ZNF277: variants seen among roughly 807,000 people sequenced by gnomAD.
ZNF277 encodes the protein nuclear receptor-interacting factor 4.
A neutral mutation model predicts 60.7 loss-of-function variants in ZNF277; 55 were observed. That is an observed-to-expected ratio of 0.91 (90% CI 0.73 to 1.13). The LOEUF is 1.13. Ranked by LOEUF, ZNF277 falls within the 50% of genes most tolerant of loss-of-function variation. The pLI is 0.00. For missense variants in ZNF277, 510 were observed against 523.0 expected, an observed-to-expected ratio of 0.98 and a Z score of 0.24; for synonymous variants, 178 against 179.3, an observed-to-expected ratio of 0.99 and a Z score of 0.06.
intron 1 of ZNF277, among the ~76,000 whole-genome samples, chr7:112,281,436 G>A (rs1166141213): frequency 2.0e-5 from 3 of 152,034 alleles, no homozygotes; most frequent in Admixed American, 1.3e-4. Context: ...TTGCTTACTG[G>A]GGAGTATACT....
intron 1 of ZNF277, among the ~76,000 whole-genome samples, chr7:112,259,460 C>A (rs369066150): frequency 1.3e-5 from 2 of 152,056 alleles, no homozygotes; most frequent in African/African-American, 4.8e-5. Flanking sequence ...GAACCTAAGC[C>A]GCAGATACTT....
rs142150426 is a variant in ZNF277, at chr7:112,336,118, G to A, written c.816G>A (p.Ser272=). 1.3e-5 allele frequency: 21 copies of A among 1,609,518 alleles called. No homozygotes were observed. In the Middle Eastern group the frequency reaches 4.9e-4, roughly 38 times the overall value. ...YVINYLELGK[S]WEEVQLEDDR... Reference sequence around the variant, plus strand: ...TTCCTACAAAGGAACTTGGAAAATCGTGGGAAGAAGTTCAGTTGGAAGATG... The same window carrying A: ...TTCCTACAAAGGAACTTGGAAAATCATGGGAAGAAGTTCAGTTGGAAGATG... The change falls in exon 8 of 12, where the codon TCG becomes TCA. Residue 272 remains serine, a synonymous_variant. Transcript: ENST00000361822.
chr7:112,323,859 G>A (rs916361722), intron 5 of ZNF277, among the ~76,000 whole-genome samples: 2 of 152,128 alleles, frequency 1.3e-5, no homozygotes, highest in South Asian at 4.1e-4. Context: ...ACATTTATAA[G>A]TTTAGTGAAA....
chr7:112,298,994 G>T (rs1196641894), intron 4 of ZNF277, among the ~76,000 whole-genome samples: 1 of 152,164 alleles, frequency 6.6e-6, no homozygotes, highest in Non-Finnish European at 1.5e-5. Flanking sequence ...ACAAGTCTGT[G>T]TAGGGAGGGG....
At chr7:112,299,750 C>T (rs1792432025) in intron 4 of ZNF277, among the ~76,000 whole-genome samples, 1 of 152,158 alleles carries the variant, frequency 6.6e-6, no homozygotes, top group Admixed American at 6.5e-5. Context: ...TATTTCAACT[C>T]AAAGACTTTG....
At chr7:112,259,536 A>C (rs1430578759) in intron 1 of ZNF277, among the ~76,000 whole-genome samples, 1 of 152,182 alleles carries the variant, frequency 6.6e-6, no homozygotes, top group Non-Finnish European at 1.5e-5. Context: ...TAAACAGGTT[A>C]CTTAAGAGCG....
intron 1 of ZNF277, among the ~76,000 whole-genome samples, chr7:112,227,674 T>C (rs923953301): frequency 2.6e-5 from 4 of 152,198 alleles, no homozygotes; most frequent in Admixed American, 6.5e-5. Flanking sequence ...TAAGTTATAT[T>C]TTGTAAATAT....
At position 112,273,591 on chromosome 7, in the gene ZNF277, G is replaced by A. The variant is rs118058184; in HGVS notation, c.92-13282G>A. On this transcript the variant is annotated intron_variant, in intron 1 of 11. Coordinates refer to ENST00000361822, the MANE Select transcript of ZNF277 (RefSeq NM_021994.3). ...TGTGTGGATAGTTTTTCAATTTGGTGTTCCTGCCAGGAAGATTACCGGTCA... is the reference window on the plus strand; with the variant it reads ...TGTGTGGATAGTTTTTCAATTTGGTATTCCTGCCAGGAAGATTACCGGTCA... Among the ~76,000 whole-genome samples, 62 of 152,262 alleles carry A rather than the reference G, an allele frequency of 4.1e-4. No homozygotes were observed. The East Asian group carries it at 0.012, about 28-fold the overall frequency.
chr7:112,260,370 C>T (rs577245875), intron 1 of ZNF277, among the ~76,000 whole-genome samples: 33 of 152,240 alleles, frequency 2.2e-4, no homozygotes, highest in Non-Finnish European at 3.7e-4. Flanking sequence ...TTGGTAGTTC[C>T]TTTTGTTTAA....
rs1172388646 is a variant in ZNF277 at position 112,216,767 on chromosome 7, C to G, written c.91+9960C>G. On this transcript the variant is annotated intron_variant, in intron 1 of 11. Coordinates refer to ENST00000361822, the MANE Select transcript of ZNF277 (RefSeq NM_021994.3). ...AGCTTGGGAGCCGACATAATTCAGTCCTAGCATCTGTAAAAAGAAAAAGAA... is the reference window on the plus strand; with the variant it reads ...AGCTTGGGAGCCGACATAATTCAGTGCTAGCATCTGTAAAAAGAAAAAGAA... 2.0e-5 allele frequency among the ~76,000 whole-genome samples: 3 copies of G among 152,130 alleles called. No individual in the cohort carries two copies. In the East Asian group the frequency reaches 5.8e-4, roughly 29 times the overall value.
intron 1 of ZNF277, among the ~76,000 whole-genome samples, chr7:112,213,122 G>A (rs898278273): frequency 2.6e-5 from 4 of 152,134 alleles, no homozygotes; most frequent in Non-Finnish European, 5.9e-5. Context: ...TTCCTGTGCT[G>A]TTCTCATGAT....
chr7:112,235,091 CTGTG>C lies in ZNF277; in HGVS notation c.91+28286_91+28289del, dbSNP rs531463878. On this transcript the variant is annotated intron_variant, in intron 1 of 11. Transcript: ENST00000361822. ...AAACTGATCAATCTTTTGTGTACTA[CTGTG>C]TTTTACATCATAGTTAGAAAAAAAA... Among the ~76,000 whole-genome samples the C allele has an allele frequency of 2.0e-3, 304 of 151,950 alleles. 1 individual carries two copies. Among genetic ancestry groups the C allele is most frequent in the African/African-American group, 7.0e-3 (289 of 41,492 alleles).
intron 1 of ZNF277, among the ~76,000 whole-genome samples, chr7:112,277,495 G>T (rs2117047400): frequency 6.6e-6 from 1 of 152,272 alleles, no homozygotes; most frequent in East Asian, 1.9e-4. Flanking sequence ...TCAATCAAGT[G>T]CCCACTGACC....
At chr7:112,266,935 A>G (rs1791564110) in intron 1 of ZNF277, among the ~76,000 whole-genome samples, 1 of 152,212 alleles carries the variant, frequency 6.6e-6, no homozygotes, top group Non-Finnish European at 1.5e-5. Context: ...TTATATTCCA[A>G]TAACTGTAGG....
At chr7:112,313,261 C>T (rs1792770787) in intron 4 of ZNF277, among the ~76,000 whole-genome samples, 1 of 151,248 alleles carries the variant, frequency 6.6e-6, no homozygotes, top group African/African-American at 2.4e-5. Context: ...GTATTTGTGC[C>T]CTTAAAAAGT....
intron 1 of ZNF277, among the ~76,000 whole-genome samples, chr7:112,284,292 A>G (rs1421037896): frequency 6.6e-6 from 1 of 152,234 alleles, no homozygotes; most frequent in East Asian, 1.9e-4. Context: ...AAATTTCTGT[A>G]TATCTCAATT....
intron 1 of ZNF277, among the ~76,000 whole-genome samples, chr7:112,256,056 C>T (rs1343019708): frequency 1.3e-5 from 2 of 152,162 alleles, no homozygotes; most frequent in Non-Finnish European, 2.9e-5. Context: ...TCTATGTCTT[C>T]ATCTCTCTAG....
chr7:112,223,165 A>T, intron 1 of ZNF277, among the ~76,000 whole-genome samples: 1 of 152,204 alleles, frequency 6.6e-6, no homozygotes, highest in East Asian at 1.9e-4. Context: ...TGACTAACGT[A>T]GCATGTCTCC....
At chr7:112,242,165 TAATCTC>T (rs1790972510) in intron 1 of ZNF277, among the ~76,000 whole-genome samples, 2 of 151,946 alleles carry the variant, frequency 1.3e-5, no homozygotes, top group African/African-American at 2.4e-5. Context: ...TAAAAAAAGA[TAATCTC>T]AATAGGTGCT....
Sources: allele counts gnomAD v4.1 joint callset (sites outside exome capture counted in the v4.1 genomes callset), GRCh38; gene constraint gnomAD v4.1.1; transcripts MANE v1.5; gene names NCBI Gene and HGNC (gene_info 2026-07-23, HGNC 2026-07-21).